Variants in ERICH6B observed in about 807,000 individuals in gnomAD.
ERICH6B encodes glutamate-rich protein 6B.
Under a neutral mutation model 80.0 loss-of-function variants are expected in ERICH6B, and 69 were observed. The ratio of observed to expected loss-of-function variants is 0.86; its 90% CI spans 0.71 to 1.05. The LOEUF is 1.05. ERICH6B is among the 50% of genes least tolerant of loss of function. ERICH6B has a pLI of 0.00. For synonymous variants in ERICH6B, 283 were observed against 291.9 expected (o/e 0.97, Z 0.31); for missense variants, 754 against 796.1 (o/e 0.95, Z 0.64).
chr13:45,594,653 A>G (rs1232460209), intron 3 of ERICH6B, among the ~76,000 whole-genome samples: 1 of 152,212 alleles, frequency 6.6e-6, no homozygotes, highest in Non-Finnish European at 1.5e-5. Context: ...GGTACATCTG[A>G]TTTGATGGAG....
chr13:45,547,514 G>A (rs766887430), intron 13 of ERICH6B, among the ~76,000 whole-genome samples: 4 of 152,212 alleles, frequency 2.6e-5, no homozygotes, highest in Non-Finnish European at 5.9e-5. Context: ...AGCCCTGGAT[G>A]TGCAGTTAGA....
chr13:45,599,554 C>A (rs1245347609), intron 2 of ERICH6B, among the ~76,000 whole-genome samples: 5 of 152,144 alleles, frequency 3.3e-5, no homozygotes, highest in Admixed American at 1.3e-4. Flanking sequence ...ATTGGCTAAC[C>A]TTAGGTTACT....
At chr13:45,558,825 T>G (rs1438215729) in intron 11 of ERICH6B, among the ~76,000 whole-genome samples, 3 of 152,202 alleles carry the variant, frequency 2.0e-5, no homozygotes, top group Non-Finnish European at 2.9e-5. Context: ...GTTATTGGAT[T>G]CGGTTAGTTA....
chr13:45,612,502 C>G (rs1424442530), intron 1 of ERICH6B, among the ~76,000 whole-genome samples: 1 of 152,236 alleles, frequency 6.6e-6, no homozygotes, highest in East Asian at 1.9e-4. Flanking sequence ...GATGCCAGCA[C>G]TACCTCTGGC....
intron 11 of ERICH6B, among the ~76,000 whole-genome samples, chr13:45,554,153 C>T (rs964614341): frequency 6.6e-6 from 1 of 152,216 alleles, no homozygotes; most frequent in African/African-American, 2.4e-5. Flanking sequence ...CTCCTCAGCT[C>T]CTGGCCACTC....
chr13:45,579,743 C>T (rs1398647659), intron 7 of ERICH6B, among the ~76,000 whole-genome samples, 190 bp downstream of exon 7: 2 of 152,160 alleles, frequency 1.3e-5, no homozygotes, highest in Admixed American at 6.5e-5. Context: ...CAGAGACCCT[C>T]TCTCTGTTTC....
chr13:45,563,783 T>G lies in ERICH6B; in HGVS notation c.1193A>C (p.Lys398Thr). The G allele has an allele frequency of 6.4e-7, 1 of 1,552,228 alleles. No homozygotes were observed. The highest frequency in any genetic ancestry group is 1.2e-5 in the South Asian group (1 of 84,060). ...TTCCTTGAACTTTTCATAATTTTTCTTCAGCCTAAAAGGAAAGTGGATCAT... is the reference window on the plus strand; with the variant it reads ...TTCCTTGAACTTTTCATAATTTTTCGTCAGCCTAAAAGGAAAGTGGATCAT... ...ENRWKLVIML[K>T]KNYEKFKETI... The change falls in exon 10 of 15, where the codon AAG (lysine) becomes ACG (threonine). Residue 398 changes from lysine (K) to threonine (T), a missense_variant. Transcript: ENST00000298738.
In ERICH6B at chr13:45,591,735, C is replaced by CCA. The variant is rs561354175; in HGVS notation, c.638-1040_638-1039dup. On this transcript the variant is annotated intron_variant, in intron 3 of 14. Transcript: ENST00000298738. ...CATGTTTAAAACAGTAAAAACCAAA[C>CCA]CACACAACAAGGACCATCACTACCA... is the stretch of plus-strand genomic sequence containing the variant. Among the ~76,000 whole-genome samples the CCA allele has an allele frequency of 4.6e-3, 702 of 152,220 alleles. 4 individuals carry two copies. Among genetic ancestry groups the CCA allele is most frequent in the African/African-American group, 0.016 (653 of 41,532 alleles).
chr13:45,551,104 A>G (rs979920045), intron 11 of ERICH6B, among the ~76,000 whole-genome samples: 1 of 152,208 alleles, frequency 6.6e-6, no homozygotes, highest in Non-Finnish European at 1.5e-5. Context: ...TGTCATAAAA[A>G]TTTTAAGTTT....
At chr13:45,605,391 A>G (rs1387931670) in intron 2 of ERICH6B, among the ~76,000 whole-genome samples, 1 of 152,172 alleles carries the variant, frequency 6.6e-6, no homozygotes, top group Non-Finnish European at 1.5e-5. Context: ...CTTCTTCTCT[A>G]TGCTTTAGCT....
In ERICH6B at chr13:45,563,417, C is replaced by T. The variant is rs147783128; in HGVS notation, c.1249+310G>A. On this transcript the variant is annotated intron_variant, in intron 10 of 14. Transcript: ENST00000298738. Reference sequence around the variant, plus strand: ...GCTCTGATCTGAGAACCAGAAAACACGGCTGCCCTGGGGAGCATCCTTATT... The same window carrying T: ...GCTCTGATCTGAGAACCAGAAAACATGGCTGCCCTGGGGAGCATCCTTATT... Among the ~76,000 whole-genome samples the T allele has an allele frequency of 1.4e-3, 210 of 152,312 alleles. 2 individuals carry two copies. The highest frequency in any genetic ancestry group is 1.6e-3 in the African/African-American group (65 of 41,578).
chr13:45,549,214 G>T (rs887067973), intron 13 of ERICH6B, among the ~76,000 whole-genome samples: 4 of 151,836 alleles, frequency 2.6e-5, no homozygotes, highest in Admixed American at 6.6e-5. Flanking sequence ...AACCGGGGAG[G>T]CAGAGGTTGC....
At chr13:45,606,505 GTATATATATATATATATATATATATA>G (rs58856558) in intron 2 of ERICH6B, among the ~76,000 whole-genome samples, 1 of 28,708 alleles carries the variant, frequency 3.5e-5, no homozygotes, top group African/African-American at 2.0e-4. Flanking sequence ...AAGTGTATGT[GTATATATATATATATATATATATATA>G]TATATATATA....
chr13:45,553,730 T>C (rs1408055078), intron 11 of ERICH6B, among the ~76,000 whole-genome samples: 1 of 152,188 alleles, frequency 6.6e-6, no homozygotes, highest in Non-Finnish European at 1.5e-5. Flanking sequence ...GATTTATCCC[T>C]GATGCTGCCT....
At chr13:45,601,114 G>GT (rs1949824533) in intron 2 of ERICH6B, among the ~76,000 whole-genome samples, 1 of 152,122 alleles carries the variant, frequency 6.6e-6, no homozygotes, top group Non-Finnish European at 1.5e-5. Flanking sequence ...ATGCCTTGAT[G>GT]TTTCCTCTGA....
At chr13:45,598,769 G>A (rs954501459) in intron 2 of ERICH6B, among the ~76,000 whole-genome samples, 2 of 152,194 alleles carry the variant, frequency 1.3e-5, no homozygotes, top group African/African-American at 4.8e-5. Context: ...GGTGAGGAGT[G>A]TGGTCAACAG....
intron 8 of ERICH6B, among the ~76,000 whole-genome samples, chr13:45,569,417 C>T (rs1248887071): frequency 2.0e-5 from 3 of 152,212 alleles, no homozygotes; most frequent in Non-Finnish European, 4.4e-5. Flanking sequence ...TGTGCCACAG[C>T]ACTCGTCCAC....
intron 2 of ERICH6B, among the ~76,000 whole-genome samples, chr13:45,600,435 C>T (rs117381817): frequency 0.028 from 4,233 of 152,158 alleles, 85 homozygotes; most frequent in Non-Finnish European, 0.045. Context: ...AGTAAAGTCA[C>T]GGTTTTTAGG....
At chr13:45,549,211 G>T (rs1432195481) in intron 13 of ERICH6B, among the ~76,000 whole-genome samples, 2 of 151,838 alleles carry the variant, frequency 1.3e-5, no homozygotes, top group Admixed American at 1.3e-4. Context: ...TTGAACCGGG[G>T]AGGCAGAGGT....
Sources: gnomAD v4.1 joint callset for allele counts (sites outside exome capture counted in the v4.1 genomes callset) on GRCh38, gnomAD v4.1.1 for gene constraint, MANE v1.5 for transcripts, NCBI Gene and HGNC (gene_info 2026-07-23, HGNC 2026-07-21) for gene names.